Variants in CHST11 observed in about 807,000 individuals in gnomAD.
CHST11 encodes the protein C4S-1.
CHST11 carries 9 observed loss-of-function variants against 30.4 expected under a neutral mutation model. That is an observed-to-expected ratio of 0.30 (90% CI 0.18 to 0.52). The LOEUF (loss-of-function observed/expected upper bound fraction) is 0.52, where lower values mean the gene tolerates loss of function less well. Ranked by LOEUF, CHST11 falls within the 20% of genes least tolerant of loss-of-function variation. The pLI is 0.97. For synonymous variants in CHST11, 152 were observed against 187.8 expected (o/e 0.81, Z 1.56); for missense variants, 348 against 460.6 (o/e 0.76, Z 2.24).
chr12:104,531,480 AGAG>A (rs377623137), intron 1 of CHST11, among the ~76,000 whole-genome samples: 8,971 of 138,378 alleles, frequency 0.065, 762 homozygotes, highest in East Asian at 0.43. Context: ...AAAAAAAAAA[AGAG>A]AGAGAGAGAG....
chr12:104,678,022 C>T (rs1306499189), intron 2 of CHST11, among the ~76,000 whole-genome samples: 1 of 152,224 alleles, frequency 6.6e-6, no homozygotes, highest in Non-Finnish European at 1.5e-5. Flanking sequence ...TTTGAGAGGC[C>T]TTCTCCAACC....
At chr12:104,548,691 A>G (rs1440802621) in intron 1 of CHST11, among the ~76,000 whole-genome samples, 1 of 152,180 alleles carries the variant, frequency 6.6e-6, no homozygotes. Context: ...GAGAGGCAAG[A>G]AAAGTTTGGC....
At chr12:104,681,344 C>T (rs951397066) in intron 2 of CHST11, among the ~76,000 whole-genome samples, 5 of 152,050 alleles carry the variant, frequency 3.3e-5, no homozygotes, top group Non-Finnish European at 7.4e-5. Flanking sequence ...CACAAAAGAC[C>T]GCATATGATA....
chr12:104,722,155 AGTGTGTGT>A (rs57545833), intron 2 of CHST11, among the ~76,000 whole-genome samples: 90 of 137,590 alleles, frequency 6.5e-4, no homozygotes, highest in African/African-American at 1.6e-3. Context: ...CACTCAGCTA[AGTGTGTGT>A]GTGTGTGTGT....
chr12:104,669,966 G>C (rs12298099), intron 2 of CHST11, among the ~76,000 whole-genome samples: 10,797 of 152,354 alleles, frequency 0.071, 952 homozygotes, highest in African/African-American at 0.21. Flanking sequence ...TTAGCACATA[G>C]AAATTGCTCA....
At chr12:104,658,058 T>C (rs1306003943) in intron 2 of CHST11, among the ~76,000 whole-genome samples, 3 of 152,168 alleles carry the variant, frequency 2.0e-5, no homozygotes, top group East Asian at 1.9e-4. Flanking sequence ...CCAAGGATAC[T>C]CAGAGTTTTA....
intron 2 of CHST11, among the ~76,000 whole-genome samples, chr12:104,637,218 T>C (rs1393432682): frequency 1.4e-5 from 2 of 143,116 alleles, no homozygotes; most frequent in African/African-American, 5.3e-5. Flanking sequence ...GGTAGGAGGA[T>C]CACCTGAGCC....
intron 1 of CHST11, among the ~76,000 whole-genome samples, chr12:104,567,770 A>C (rs1220459597): frequency 6.6e-6 from 1 of 152,100 alleles, no homozygotes; most frequent in Admixed American, 6.5e-5. Context: ...CCTAATCCCT[A>C]ATGCAATAGT....
At chr12:104,548,205 G>C (rs920461683) in intron 1 of CHST11, among the ~76,000 whole-genome samples, 1 of 152,240 alleles carries the variant, frequency 6.6e-6, no homozygotes, top group African/African-American at 2.4e-5. Flanking sequence ...CACACAGTAG[G>C]TGGTGCTTAG....
intron 2 of CHST11, among the ~76,000 whole-genome samples, chr12:104,751,352 T>G (rs1188858161): frequency 6.6e-6 from 1 of 152,260 alleles, no homozygotes; most frequent in African/African-American, 2.4e-5. Flanking sequence ...TGATGGGCCC[T>G]GTTTCCTTCC....
intron 2 of CHST11, among the ~76,000 whole-genome samples, chr12:104,694,171 G>A (rs182011888): frequency 1.3e-5 from 2 of 152,246 alleles, no homozygotes; most frequent in Admixed American, 1.3e-4. Context: ...CCATGGGGCA[G>A]GGGGTAGCTT....
chr12:104,537,629 G>A (rs1339549650), intron 1 of CHST11, among the ~76,000 whole-genome samples: 1 of 151,498 alleles, frequency 6.6e-6, no homozygotes, highest in Non-Finnish European at 1.5e-5. Flanking sequence ...TTTAAAATTC[G>A]AGAAAAGTTG....
chr12:104,740,451 A>G (rs2040337440), intron 2 of CHST11, among the ~76,000 whole-genome samples: 1 of 152,184 alleles, frequency 6.6e-6, no homozygotes, highest in African/African-American at 2.4e-5. Context: ...GGATAGAAGG[A>G]GAAAATCCCT....
chr12:104,660,605 G>A (rs186601895), intron 2 of CHST11, among the ~76,000 whole-genome samples: 58 of 152,322 alleles, frequency 3.8e-4, no homozygotes, highest in African/African-American at 1.3e-3. Flanking sequence ...CATCCCGGCT[G>A]AGGTCCTCTC....
intron 1 of CHST11, among the ~76,000 whole-genome samples, chr12:104,512,439 T>C (rs954642012): frequency 5.9e-5 from 9 of 152,208 alleles, no homozygotes; most frequent in African/African-American, 2.2e-4. Flanking sequence ...AAATAGGTAG[T>C]ACAGTTAAGA....
intron 2 of CHST11, among the ~76,000 whole-genome samples, chr12:104,742,503 C>T (rs1184678024): frequency 6.6e-6 from 1 of 152,204 alleles, no homozygotes; most frequent in Non-Finnish European, 1.5e-5. Flanking sequence ...CCTGCCCTTA[C>T]TTCTGATTTC....
At chr12:104,654,525 G>A (rs1407416709) in intron 2 of CHST11, among the ~76,000 whole-genome samples, 1 of 152,156 alleles carries the variant, frequency 6.6e-6, no homozygotes, top group African/African-American at 2.4e-5. Context: ...GGGGTCCCTG[G>A]ATTCCCCATG....
At chr12:104,560,190 G>A (rs888425816) in intron 1 of CHST11, among the ~76,000 whole-genome samples, 2 of 152,266 alleles carry the variant, frequency 1.3e-5, no homozygotes, top group Non-Finnish European at 2.9e-5. Context: ...GTCAAGGTTG[G>A]GTGTTTGATT....
At chr12:104,568,072 C>T (rs1006085253) in intron 1 of CHST11, among the ~76,000 whole-genome samples, 4 of 152,154 alleles carry the variant, frequency 2.6e-5, no homozygotes, top group African/African-American at 9.7e-5. Flanking sequence ...TGTGGCTTCC[C>T]AGGGCAGGTG....
Sources: gnomAD v4.1 joint callset for allele counts (sites outside exome capture counted in the v4.1 genomes callset) on GRCh38, gnomAD v4.1.1 for gene constraint, MANE v1.5 for transcripts, NCBI Gene and HGNC (gene_info 2026-07-23, HGNC 2026-07-21) for gene names.